The following ANO6 variants were observed in gnomAD, a reference collection of about 807,000 sequenced individuals.
The protein encoded by ANO6 is anoctamin 6.
ANO6 carries 106 observed loss-of-function variants against 117.5 expected under a neutral mutation model. That is an observed-to-expected ratio of 0.90 (90% confidence interval 0.77 to 1.06). ANO6 has a LOEUF of 1.06. ANO6 is among the 50% of genes least tolerant of loss of function. The probability of loss-of-function intolerance (pLI) is 0.00; values close to 1 mark genes in which losing one functional copy is unlikely to be tolerated. For synonymous variants in ANO6, 367 were observed against 385.1 expected (o/e 0.95, Z 0.55); for missense variants, 955 against 1,121.1 (o/e 0.85, Z 2.12).
intron 3 of ANO6, among the ~76,000 whole-genome samples, chr12:45,342,284 C>T (rs1009147470): frequency 3.9e-5 from 6 of 152,164 alleles, no homozygotes; most frequent in African/African-American, 1.2e-4. Flanking sequence ...GTCTGACTTG[C>T]ACTATTCAGC....
intron 1 of ANO6, among the ~76,000 whole-genome samples, chr12:45,244,226 A>G (rs1223466652): frequency 6.6e-6 from 1 of 152,228 alleles, no homozygotes; most frequent in Non-Finnish European, 1.5e-5. Context: ...AAGTTTTCAC[A>G]GTTTGGGAAT....
rs1214334805 is a variant in ANO6 at position 45,430,208 on chromosome 12, G to A, written c.*897G>A. ...AAATTACATTTTTATCAACATAATT[G>A]TCTGGAAAAGATAAGCCCCTCAATT... On this transcript the variant is annotated 3_prime_UTR_variant, in exon 20 of 20. Transcript: ENST00000320560. 6 of 985,252 alleles carry A rather than the reference G, an allele frequency of 6.1e-6. No individual in the cohort carries two copies. In the African/African-American group the frequency reaches 1.0e-4, roughly 17 times the overall value. The allele number at this position is 985,252 out of a possible 1,614,324, so 61.0% of individuals were successfully genotyped here.
intron 1 of ANO6, among the ~76,000 whole-genome samples, chr12:45,287,007 G>A (rs1251676446): frequency 3.9e-5 from 6 of 152,144 alleles, no homozygotes; most frequent in South Asian, 4.1e-4. Context: ...ATGATGGATC[G>A]CCTAACATGG....
intron 19 of ANO6, among the ~76,000 whole-genome samples, chr12:45,423,412 G>C (rs1943417046): frequency 6.6e-6 from 1 of 152,176 alleles, no homozygotes; most frequent in African/African-American, 2.4e-5. Context: ...ATTGCTGGGA[G>C]AGTTTGAAAT....
chr12:45,428,511 T>G (rs778856247), intron 19 of ANO6, among the ~76,000 whole-genome samples: 5 of 151,800 alleles, frequency 3.3e-5, no homozygotes, highest in Non-Finnish European at 5.9e-5. Context: ...AGCCCAGGAG[T>G]AGGAGGCTTC....
intron 13 of ANO6, among the ~76,000 whole-genome samples, chr12:45,402,607 C>A (rs1281066695): frequency 6.6e-6 from 1 of 152,200 alleles, no homozygotes; most frequent in Admixed American, 6.5e-5. Context: ...ATGCAAACTC[C>A]ACACTAGGAG....
Position 45,239,859 on chromosome 12 carries a change from C to T in ANO6, c.70+23468C>T, listed in dbSNP as rs1013819423. On this transcript the variant is annotated intron_variant, in intron 1 of 19. Coordinates refer to ENST00000320560, the MANE Select transcript of ANO6 (RefSeq NM_001025356.3). ...TGAGTGAGTTTCTTAATCCTGAGTTCTAATTTGATTGCACTATGGTCTGAG... is the reference window on the plus strand; with the variant it reads ...TGAGTGAGTTTCTTAATCCTGAGTTTTAATTTGATTGCACTATGGTCTGAG... Among the ~76,000 whole-genome samples the T allele has an allele frequency of 7.6e-4, 115 of 152,150 alleles. 1 individual carries two copies. The highest frequency in any genetic ancestry group is 2.2e-4 in the Non-Finnish European group (15 of 68,032).
At chr12:45,417,889 A>G (rs11183019) in intron 17 of ANO6, among the ~76,000 whole-genome samples, 23,465 of 151,940 alleles carry the variant, frequency 0.15, 2,801 homozygotes, top group East Asian at 0.35. Context: ...GTAGACCCGA[A>G]CTCCACTTCC....
chr12:45,311,269 G>C (rs1259828984), intron 2 of ANO6, among the ~76,000 whole-genome samples: 1 of 152,032 alleles, frequency 6.6e-6, no homozygotes, highest in Non-Finnish European at 1.5e-5. Flanking sequence ...ATAAATATCA[G>C]CTGTTTAAGT....
Position 45,348,117 on chromosome 12 carries a change from T to C in ANO6, c.435T>C (p.Pro145=). The change falls in exon 5 of 20, where the codon CCT becomes CCC. Residue 145 remains proline, a synonymous_variant. Coordinates refer to ENST00000320560, the MANE Select transcript of ANO6 (RefSeq NM_001025356.3). ...TYAEIMHIKL[P]LKPNDLKNRS... is the part of the protein sequence containing the mutation. ...CTGAGATAATGCACATCAAATTGCCTCTGAAACCCAATGATCTGAAAAACC... is the reference window on the plus strand; with the variant it reads ...CTGAGATAATGCACATCAAATTGCCCCTGAAACCCAATGATCTGAAAAACC... The C allele has an allele frequency of 6.2e-7, 1 of 1,614,094 alleles. No individual in the cohort carries two copies. The highest frequency in any genetic ancestry group is 8.5e-7 in the Non-Finnish European group (1 of 1,180,000).
rs538548289 is a variant in ANO6 at position 45,292,578 on chromosome 12, A to G, written c.71-9436A>G. ...GTACATTGAGTTTTTCTATAAAAGC[A>G]TTAGGTAATCCAGTTGTGTGTGAGA... On this transcript the variant is annotated intron_variant, in intron 1 of 19. Coordinates refer to ENST00000320560, the MANE Select transcript of ANO6 (RefSeq NM_001025356.3). 5.8e-5 allele frequency: 54 copies of G among 924,052 alleles called. No individual in the cohort carries two copies. The African/African-American group carries it at 8.6e-4, about 15-fold the overall frequency. 57.2% of individuals were successfully genotyped at this position (924,052 alleles called of 1,614,324 possible).
chr12:45,339,038 T>C (rs1940905541), intron 3 of ANO6, among the ~76,000 whole-genome samples: 1 of 152,100 alleles, frequency 6.6e-6, no homozygotes, highest in Non-Finnish European at 1.5e-5. Context: ...AAAGATCATC[T>C]GTAAAGGGGT....
At chr12:45,361,474 A>G (rs1373017527) in intron 8 of ANO6, among the ~76,000 whole-genome samples, 1 of 152,142 alleles carries the variant, frequency 6.6e-6, no homozygotes, top group Non-Finnish European at 1.5e-5. Flanking sequence ...ACGATGTCAT[A>G]CTGTCTGTGA....
At chr12:45,332,402 C>T (rs1390639439) in intron 3 of ANO6, among the ~76,000 whole-genome samples, 1 of 151,804 alleles carries the variant, frequency 6.6e-6, no homozygotes, top group Non-Finnish European at 1.5e-5. Flanking sequence ...GATTTTTGCC[C>T]ATTCTTTCAA....
intron 1 of ANO6, among the ~76,000 whole-genome samples, chr12:45,226,984 C>CTTT (rs906373347): frequency 3.5e-4 from 40 of 112,748 alleles, no homozygotes; most frequent in Middle Eastern, 5.2e-3. Context: ...TTATCATTTT[C>CTTT]TTTTTTTTTT....
chr12:45,225,229 A>T (rs1947464276), intron 1 of ANO6, among the ~76,000 whole-genome samples: 1 of 150,936 alleles, frequency 6.6e-6, no homozygotes, highest in South Asian at 2.1e-4. Flanking sequence ...AAATTAAAGG[A>T]TGATATTGAT....
chr12:45,269,894 G>A (rs1938338794), intron 1 of ANO6, among the ~76,000 whole-genome samples: 1 of 152,200 alleles, frequency 6.6e-6, no homozygotes, highest in Non-Finnish European at 1.5e-5. Flanking sequence ...GGGAACTGAA[G>A]TATTAAGAGG....
intron 12 of ANO6, among the ~76,000 whole-genome samples, chr12:45,395,452 A>G (rs1942583899): frequency 6.6e-6 from 1 of 152,226 alleles, no homozygotes; most frequent in Non-Finnish European, 1.5e-5. Flanking sequence ...CACCATTCCA[A>G]TCAATAGAAA....
intron 2 of ANO6, among the ~76,000 whole-genome samples, chr12:45,309,733 A>G (rs564313254): frequency 1.3e-5 from 2 of 152,174 alleles, no homozygotes; most frequent in East Asian, 3.9e-4. Flanking sequence ...CTGCCCACAG[A>G]CTTCCAGATC....
Sources: allele counts gnomAD v4.1 joint callset (sites outside exome capture counted in the v4.1 genomes callset), GRCh38; gene constraint gnomAD v4.1.1; transcripts MANE v1.5; gene names NCBI Gene and HGNC (gene_info 2026-07-23, HGNC 2026-07-21).